TAS2R1: variants seen among roughly 807,000 people sequenced by gnomAD.
TAS2R1 encodes the protein taste 2 receptor member 1.
For synonymous variants in TAS2R1, 141 were observed against 134.2 expected (o/e 1.05, Z -0.35); for missense variants, 370 against 353.4 (o/e 1.05, Z -0.38).
At chr5:9,894,436 CAAACA>C in the TAS2R1 span, among the ~76,000 whole-genome samples, 1 of 144,954 alleles carries the variant, frequency 6.9e-6, no homozygotes, top group African/African-American at 2.5e-5. Flanking sequence ...TTTGGACACA[CAAACA>C]GAGGCAGCAG....
intron 1 of TAS2R1, among the ~76,000 whole-genome samples, chr5:9,665,699 C>T (rs937951726): frequency 1.3e-5 from 2 of 152,180 alleles, no homozygotes; most frequent in Non-Finnish European, 2.9e-5. Context: ...ATAATGTCTG[C>T]CTCTAGGGTT....
the TAS2R1 span, among the ~76,000 whole-genome samples, chr5:9,755,591 A>T: frequency 4.8e-3 from 720 of 150,966 alleles, 8 homozygotes; most frequent in African/African-American, 0.016. Context: ...CATCTCCAAA[A>T]AAAAAAAAAA....
chr5:9,875,142 G>T, the TAS2R1 span, among the ~76,000 whole-genome samples: 1 of 152,194 alleles, frequency 6.6e-6, no homozygotes, highest in African/African-American at 2.4e-5. Context: ...TTAGGAGGCA[G>T]CTAGGCATCA....
chr5:9,762,106 C>T, the TAS2R1 span, among the ~76,000 whole-genome samples: 324 of 152,272 alleles, frequency 2.1e-3, 2 homozygotes, highest in African/African-American at 7.5e-3. Flanking sequence ...AACATGGAAA[C>T]CTTTTTTCCA....
upstream of TAS2R1, among the ~76,000 whole-genome samples, chr5:9,716,788 G>C (rs1366378827): frequency 1.3e-5 from 2 of 152,074 alleles, no homozygotes; most frequent in African/African-American, 4.8e-5. Context: ...TTGAAATCCA[G>C]CTCTGGATTT....
the TAS2R1 span, among the ~76,000 whole-genome samples, chr5:9,876,429 T>C: frequency 1.2e-4 from 19 of 152,106 alleles, no homozygotes; most frequent in Admixed American, 1.2e-3. Flanking sequence ...CCCCTAGTTA[T>C]GACTGTTGAA....
chr5:9,724,301 C>T, the TAS2R1 span, among the ~76,000 whole-genome samples: 1 of 146,828 alleles, frequency 6.8e-6, no homozygotes, highest in Non-Finnish European at 1.5e-5. Flanking sequence ...ACCCTTTAAT[C>T]TTTATTTGGC....
intron 1 of TAS2R1, among the ~76,000 whole-genome samples, chr5:9,672,585 C>T (rs186714951): frequency 6.6e-6 from 1 of 152,256 alleles, no homozygotes; most frequent in African/African-American, 2.4e-5. Flanking sequence ...CAATGAGATA[C>T]TGTCTCACAC....
the TAS2R1 span, among the ~76,000 whole-genome samples, chr5:9,869,773 C>G: frequency 5.9e-4 from 90 of 152,278 alleles, no homozygotes; most frequent in Admixed American, 3.5e-3. Context: ...TTTCTCTTTG[C>G]TAATTGTGGT....
chr5:9,847,578 A>T, the TAS2R1 span, among the ~76,000 whole-genome samples: 1 of 152,236 alleles, frequency 6.6e-6, no homozygotes, highest in Non-Finnish European at 1.5e-5. Flanking sequence ...AATACTAACA[A>T]AAATATACTC....
At chr5:9,878,449 A>G in the TAS2R1 span, among the ~76,000 whole-genome samples, 2 of 152,230 alleles carry the variant, frequency 1.3e-5, no homozygotes, top group Non-Finnish European at 2.9e-5. Context: ...GCATTCAAAC[A>G]GAATTGGACA....
the TAS2R1 span, among the ~76,000 whole-genome samples, chr5:9,731,509 C>T: frequency 8.5e-3 from 1,302 of 152,292 alleles, 19 homozygotes; most frequent in African/African-American, 0.03. Context: ...CTGAGCTTCT[C>T]CTAGGTGGCC....
At chr5:9,852,852 A>AATAT in the TAS2R1 span, among the ~76,000 whole-genome samples, 1 of 151,164 alleles carries the variant, frequency 6.6e-6, no homozygotes, top group African/African-American at 2.4e-5. Flanking sequence ...GAAAAAAAAA[A>AATAT]ATATATATAT....
At chr5:9,844,594 C>T in the TAS2R1 span, among the ~76,000 whole-genome samples, 8 of 152,116 alleles carry the variant, frequency 5.3e-5, no homozygotes, top group Non-Finnish European at 1.0e-4. Flanking sequence ...CACTTATTTA[C>T]GTGATTATTT....
the TAS2R1 span, among the ~76,000 whole-genome samples, chr5:9,811,374 C>T: frequency 6.6e-5 from 10 of 152,284 alleles, no homozygotes; most frequent in Non-Finnish European, 8.8e-5. Context: ...ATTTTTCTTA[C>T]ATATTTTAAA....
chr5:9,719,429 C>T, the TAS2R1 span, among the ~76,000 whole-genome samples: 1 of 152,226 alleles, frequency 6.6e-6, no homozygotes, highest in Non-Finnish European at 1.5e-5. Context: ...TTGTTTCACT[C>T]TTCACTCTCC....
At chr5:9,843,570 A>G in the TAS2R1 span, among the ~76,000 whole-genome samples, 2 of 152,240 alleles carry the variant, frequency 1.3e-5, no homozygotes, top group Admixed American at 6.5e-5. Context: ...CACACATTTA[A>G]CCGTTTAAAA....
chr5:9,638,081 C>T (rs1484354116), intron 2 of TAS2R1, among the ~76,000 whole-genome samples: 9 of 152,156 alleles, frequency 5.9e-5, no homozygotes, highest in Non-Finnish European at 1.5e-5. Context: ...AAACTCAAGG[C>T]CTGCTGTTAA....
At chr5:9,779,187 G>A in the TAS2R1 span, among the ~76,000 whole-genome samples, 10 of 152,304 alleles carry the variant, frequency 6.6e-5, no homozygotes, top group Non-Finnish European at 4.4e-5. Flanking sequence ...GTTTAAAAGA[G>A]TCTGGACCTC....
Sources: allele counts gnomAD v4.1 joint callset (sites outside exome capture counted in the v4.1 genomes callset), GRCh38; gene constraint gnomAD v4.1.1; transcripts MANE v1.5; gene names NCBI Gene and HGNC (gene_info 2026-07-23, HGNC 2026-07-21).